The following UNKL variants were observed in gnomAD, a reference collection of about 807,000 sequenced individuals.
UNKL encodes the protein unk like zinc finger, also known as putative E3 ubiquitin-protein ligase UNKL.
UNKL carries 60 observed loss-of-function variants against 78.0 expected under a neutral mutation model. The ratio of observed to expected loss-of-function variants is 0.77; its 90% confidence interval spans 0.63 to 0.95. The LOEUF (loss-of-function observed/expected upper bound fraction) is 0.95. Among genes scored for constraint, UNKL ranks in the 40% least tolerant of loss-of-function variants. The probability of loss-of-function intolerance (pLI) is 0.00; values close to 1 mark genes in which losing one functional copy is unlikely to be tolerated. For missense variants in UNKL, 1,159 were observed against 1,045.7 expected, an observed-to-expected ratio of 1.11 and a Z score of -1.49; for synonymous variants, 608 against 474.8, an observed-to-expected ratio of 1.28 and a Z score of -3.65.
chr16:1,366,146 G>A lies in UNKL; in HGVS notation c.*94C>T, dbSNP rs138705159. The stretch of plus-strand genomic sequence containing the variant: ...AAGGGCTCCCAGCCTCGGTCCTCAC[G>A]TCGGTGGCACCAGAAGCGAGTGACG... On this transcript the variant is annotated 3_prime_UTR_variant, in exon 15 of 15. Transcript: ENST00000389221. 3,076 of 1,359,290 alleles carry A rather than the reference G, an allele frequency of 2.3e-3. 6 individuals carry two copies. Among genetic ancestry groups the A allele is most frequent in the Non-Finnish European group, 2.6e-3 (2,721 of 1,041,806 alleles). 84.2% of individuals were successfully genotyped at this position (1,359,290 alleles called of 1,614,324 possible).
chr16:1,398,679 G>GCGCCCCC, intron 5 of UNKL: 3 of 1,356,296 alleles, frequency 2.2e-6, no homozygotes, highest in Non-Finnish European at 1.9e-6. Flanking sequence ...TGTGGGGTCT[G>GCGCCCCC]CACCCCCCCA....
chr16:1,398,535 G>A, intron 5 of UNKL: 2 of 1,330,532 alleles, frequency 1.5e-6, no homozygotes, highest in South Asian at 3.2e-5. Flanking sequence ...AGGAAGCACA[G>A]GTGCTCTCCG....
chr16:1,368,076 T>G, intron 12 of UNKL: 1 of 467,424 alleles, frequency 2.1e-6, no homozygotes, highest in Non-Finnish European at 3.8e-6. Flanking sequence ...CCGGCCGGTC[T>G]CCCCACCAGA....
rs1182849267 is a variant in UNKL at position 1,365,964 on chromosome 16, G to A, written c.*276C>T. 1 of 324,472 alleles carries A rather than the reference G, an allele frequency of 3.1e-6. No individual in the cohort carries two copies. The highest frequency in any genetic ancestry group is 8.1e-5 in the South Asian group (1 of 12,366). The allele number at this position is 324,472 out of a possible 1,614,324, so 20.1% of individuals were successfully genotyped here. ...GATCCCGGAGGCACCAGGCCCCTCA[G>A]GGACAGGCAGGCGGGTTCTGTGGGT... On this transcript the variant is annotated 3_prime_UTR_variant, in exon 15 of 15. Coordinates refer to ENST00000389221, the MANE Select transcript of UNKL (RefSeq NM_001372107.1).
intron 6 of UNKL, among the ~76,000 whole-genome samples, chr16:1,396,891 T>C (rs2037290243): frequency 6.6e-6 from 1 of 152,164 alleles, no homozygotes; most frequent in African/African-American, 2.4e-5. Context: ...GACCTGAATA[T>C]GTATGTTTTT....
At chr16:1,389,776 G>A (rs1003277933) in intron 9 of UNKL, among the ~76,000 whole-genome samples, 2 of 152,204 alleles carry the variant, frequency 1.3e-5, no homozygotes, top group East Asian at 1.9e-4. Context: ...CTCGGACTCA[G>A]CCCCCAGAAC....
chr16:1,402,927 G>T (rs948195022), intron 3 of UNKL, among the ~76,000 whole-genome samples: 1 of 151,380 alleles, frequency 6.6e-6, no homozygotes, highest in Non-Finnish European at 1.5e-5. Flanking sequence ...AGGAGGCAGG[G>T]CTTGCAGTGA....
At chr16:1,368,056 GACA>G in intron 12 of UNKL, 198 bp from the exon 13 acceptor site, 2 of 599,960 alleles carry the variant, frequency 3.3e-6, no homozygotes, top group Non-Finnish European at 6.0e-6. Flanking sequence ...CGCTGACAGT[GACA>G]CCTGCCCCGG....
intron 10 of UNKL, among the ~76,000 whole-genome samples, chr16:1,376,344 A>C (rs554006856): frequency 3.5e-4 from 30 of 84,840 alleles, no homozygotes; most frequent in South Asian, 7.8e-4. Context: ...CTCCTCCCTC[A>C]CTCTAGGGCT....
chr16:1,379,694 GC>G, intron 10 of UNKL: 1 of 983,662 alleles, frequency 1.0e-6, no homozygotes, highest in Non-Finnish European at 1.2e-6. Context: ...CCCGGCCCGC[GC>G]CCCGCCCCCT....
chr16:1,399,240 G>A lies in UNKL; in HGVS notation c.734+134C>T. On this transcript the variant is annotated intron_variant, in intron 5 of 14. Transcript: ENST00000389221. This position sits in a 1 kb window ranked among gnomAD's most constrained non-coding sequence, Gnocchi z 5.8. ...TCCCACAGCCACTGTGCTTGGAGAT[G>A]CCCTCCCCTCCCGGGGATGATGGTG... The A allele has an allele frequency of 1.5e-6, 2 of 1,366,754 alleles. No individual in the cohort carries two copies. The highest frequency in any genetic ancestry group is 1.5e-5 in the South Asian group (1 of 65,402). The allele number at this position is 1,366,754 out of a possible 1,614,324, so 84.7% of individuals were successfully genotyped here.
rs886051686 is a variant in UNKL at position 1,363,296 on chromosome 16, T to C, written c.*2944A>G. 69 of 591,532 alleles carry C rather than the reference T, an allele frequency of 1.2e-4. No individual in the cohort carries two copies. Among genetic ancestry groups the C allele is most frequent in the Non-Finnish European group, 2.1e-5 (7 of 331,082 alleles). The allele number at this position is 591,532 out of a possible 1,614,324, so 36.6% of individuals were successfully genotyped here. A position where few individuals can be genotyped will look rare whatever the true frequency, so the allele number is the denominator to read the frequency against. ...GCATAAATGCTATAGTGTAAAAAAA[T>C]TTAAACAAGTGTTAACTTTAAACAG... On this transcript the variant is annotated 3_prime_UTR_variant, in exon 15 of 15. Coordinates refer to ENST00000389221, the MANE Select transcript of UNKL (RefSeq NM_001372107.1).
chr16:1,367,544 T>TGA, intron 13 of UNKL, 112 bp downstream of exon 13: 1 of 632,654 alleles, frequency 1.6e-6, no homozygotes, highest in Non-Finnish European at 2.1e-6. Context: ...CACGCTCACC[T>TGA]GAGTCACCTG....
chr16:1,377,043 G>A (rs1487176548), intron 10 of UNKL, among the ~76,000 whole-genome samples: 1 of 151,980 alleles, frequency 6.6e-6, no homozygotes, highest in Non-Finnish European at 1.5e-5. Flanking sequence ...CCCCAACCGA[G>A]ATAGAGTCTT....
chr16:1,400,395 G>C (rs905882968), intron 4 of UNKL, among the ~76,000 whole-genome samples: 15 of 118,786 alleles, frequency 1.3e-4, no homozygotes, highest in African/African-American at 4.6e-4. Context: ...TCCAGCCTGG[G>C]TGACAGAGCG....
intron 1 of UNKL, 173 bp from the exon 2 acceptor site, chr16:1,414,228 C>T (rs1269960632): frequency 4.5e-6 from 3 of 659,736 alleles, no homozygotes; most frequent in Non-Finnish European, 7.4e-6. Context: ...CAGACGCGAC[C>T]CTCACCCGAC....
At chr16:1,411,250 C>G (rs2038025803) in intron 2 of UNKL, among the ~76,000 whole-genome samples, 1 of 152,086 alleles carries the variant, frequency 6.6e-6, no homozygotes, top group Non-Finnish European at 1.5e-5. Context: ...GCTCCAGAGG[C>G]TGAAGTGGGA....
rs1364308120 is a variant in UNKL at position 1,387,730 on chromosome 16, G to A, written c.1087-2345C>T. Among the ~76,000 whole-genome samples, 4 of 152,090 alleles carry A rather than the reference G, an allele frequency of 2.6e-5. No homozygotes were observed. The highest frequency in any genetic ancestry group is 2.1e-4 in the South Asian group (1 of 4,810). ...GGACGTGGACACTGCACAGCCGCACGGCTGCCCGGCCCTCCGGGGACGTGG... is the reference window on the plus strand; with the variant it reads ...GGACGTGGACACTGCACAGCCGCACAGCTGCCCGGCCCTCCGGGGACGTGG... On this transcript the variant is annotated intron_variant, in intron 9 of 14. Transcript: ENST00000389221. This position sits in a 1 kb window ranked among gnomAD's most constrained non-coding sequence, Gnocchi z 4.1.
intron 11 of UNKL, among the ~76,000 whole-genome samples, chr16:1,370,707 C>T (rs1414942559): frequency 1.3e-5 from 2 of 152,238 alleles, no homozygotes; most frequent in African/African-American, 2.4e-5. Flanking sequence ...TCCAGGCCCC[C>T]TGAAATGGTT....
Sources: allele counts gnomAD v4.1 joint callset (sites outside exome capture counted in the v4.1 genomes callset), GRCh38; gene constraint gnomAD v4.1.1; non-coding constraint Gnocchi (gnomAD v3.1); transcripts MANE v1.5; gene names NCBI Gene and HGNC (gene_info 2026-07-23, HGNC 2026-07-21).